KIAA1958: variants seen among roughly 807,000 people sequenced by gnomAD.
KIAA1958 encodes KIAA1958.
Under a neutral mutation model 47.2 loss-of-function variants are expected in KIAA1958, and 14 were observed. That is an observed-to-expected ratio of 0.30 (90% CI 0.20 to 0.46). KIAA1958 has a LOEUF of 0.46. Ranked by LOEUF, KIAA1958 falls within the 20% of genes least tolerant of loss-of-function variation. The pLI is 1.00. For missense variants in KIAA1958, 803 were observed against 909.2 expected, an observed-to-expected ratio of 0.88 and a Z score of 1.50; for synonymous variants, 354 against 353.3, an observed-to-expected ratio of 1.00 and a Z score of -0.02.
Position 112,659,751 on chromosome 9 carries a change from A to G in KIAA1958, c.1833A>G (p.Arg611=), listed in dbSNP as rs1837239697. ...GGGAGAGTCGGAGCGGCTCCACCAG[A>G]GTGTGTCACGGGAAGATCTACCATG... ...VKRESRSGST[R]VCHGKIYHEH... Residue 611 remains arginine, a synonymous_variant, in exon 4 of 4, where the codon AGA becomes AGG. Transcript: ENST00000337530. 2.5e-6 allele frequency: 4 copies of G among 1,614,050 alleles called. No individual in the cohort carries two copies. In the Admixed American group the frequency reaches 6.7e-5, roughly 27 times the overall value.
intron 2 of KIAA1958, among the ~76,000 whole-genome samples, chr9:112,590,036 C>T (rs1835892567): frequency 6.6e-6 from 1 of 152,156 alleles, no homozygotes; most frequent in South Asian, 2.1e-4. Context: ...GACTGGCTTC[C>T]ACCTTGGATG....
rs1395264303 is a variant in KIAA1958, at chr9:112,486,854, C to CGGGCGCGCGGAGCTCG, written c.-282_-267dup. 7.0e-6 allele frequency: 1 copy of CGGGCGCGCGGAGCTCG among 143,066 alleles called. No individual in the cohort carries two copies. The highest frequency in any genetic ancestry group is 1.6e-5 in the Non-Finnish European group (1 of 64,262). The allele number at this position is 143,066 out of a possible 1,614,324, so 8.9% of individuals were successfully genotyped here. On this transcript the variant is annotated 5_prime_UTR_variant, in exon 1 of 4. Coordinates refer to ENST00000337530, the MANE Select transcript of KIAA1958 (RefSeq NM_133465.4). ...CCTGCCCGCCCGCCGCGCTCCGAGC[C>CGGGCGCGCGGAGCTCG]GGGCGCGCGGAGCTCGGGGCGCACG...
chr9:112,633,205 CT>C (rs757103610), intron 2 of KIAA1958, among the ~76,000 whole-genome samples: 1,920 of 140,478 alleles, frequency 0.014, 17 homozygotes, highest in African/African-American at 0.036. Context: ...TGTTATGATA[CT>C]TTTTTTTTTT....
chr9:112,505,002 G>T (rs957494612), intron 1 of KIAA1958, among the ~76,000 whole-genome samples: 3 of 152,098 alleles, frequency 2.0e-5, no homozygotes, highest in Non-Finnish European at 4.4e-5. Context: ...CTTACTCTAT[G>T]TGTACCCTTT....
intron 2 of KIAA1958, among the ~76,000 whole-genome samples, chr9:112,576,040 C>T (rs1835639609): frequency 6.6e-6 from 1 of 152,156 alleles, no homozygotes; most frequent in African/African-American, 2.4e-5. Context: ...AACAAATGTG[C>T]AGAAATCTGT....
chr9:112,495,888 A>G (rs1834044643), intron 1 of KIAA1958, among the ~76,000 whole-genome samples: 1 of 152,216 alleles, frequency 6.6e-6, no homozygotes, highest in Admixed American at 6.5e-5. Flanking sequence ...ACTCTGGGGA[A>G]TAATGCCCTG....
In KIAA1958 at chr9:112,488,734, A is replaced by C. The variant is rs751062606; in HGVS notation, c.-25+1616A>C. Among the ~76,000 whole-genome samples, 31 of 152,368 alleles carry C rather than the reference A, an allele frequency of 2.0e-4. No homozygotes were observed. The Middle Eastern group carries it at 0.014, about 67-fold the overall frequency. ...AAATTATGTATTTAAATTTTCATTA[A>C]GGTTTGAAAATTAGTAAACAGTGTA... On this transcript the variant is annotated intron_variant, in intron 1 of 3. Transcript: ENST00000337530.
chr9:112,554,367 G>A (rs1211529735), intron 1 of KIAA1958, among the ~76,000 whole-genome samples: 1 of 152,052 alleles, frequency 6.6e-6, no homozygotes, highest in African/African-American at 2.4e-5. Context: ...GCATGGTGGT[G>A]TGCGCCTGTA....
rs1837279095 is a variant in KIAA1958, at chr9:112,661,691, A to AAAC, written c.*1622_*1623insAAC. On this transcript the variant is annotated 3_prime_UTR_variant, in exon 4 of 4. Transcript: ENST00000337530. ...GTTATTCCCTTTTTAGTCACTGTGC[A>AAAC]TTTATAAGTTTGTTTACTAGTTGAC... is the stretch of plus-strand genomic sequence containing the variant. 6.6e-6 allele frequency: 1 copy of AAAC among 152,194 alleles called. No individual in the cohort carries two copies. The highest frequency in any genetic ancestry group is 6.5e-5 in the Admixed American group (1 of 15,280). The allele number at this position is 152,194 out of a possible 1,614,324, so 9.4% of individuals were successfully genotyped here.
chr9:112,570,945 C>T (rs1326428844), intron 1 of KIAA1958, among the ~76,000 whole-genome samples: 1 of 152,212 alleles, frequency 6.6e-6, no homozygotes. Flanking sequence ...TGGCGTAAGT[C>T]CCAGAGTCCA....
At position 112,592,730 on chromosome 9, in the gene KIAA1958, G is replaced by C. The variant is rs540627373; in HGVS notation, c.1171+17479G>C. Among the ~76,000 whole-genome samples, 231 of 152,328 alleles carry C rather than the reference G, an allele frequency of 1.5e-3. 3 individuals are homozygous for C. Among genetic ancestry groups the C allele is most frequent in the South Asian group, 8.5e-3 (41 of 4,826 alleles). ...ATAACACCTTAATAGAAGAGAGGTA[G>C]CCTGGGTAAGATAGTGCTAAAACCT... is the stretch of plus-strand genomic sequence containing the variant. On this transcript the variant is annotated intron_variant, in intron 2 of 3. Coordinates refer to ENST00000337530, the MANE Select transcript of KIAA1958 (RefSeq NM_133465.4).
chr9:112,647,748 G>A (rs559868333), intron 3 of KIAA1958, among the ~76,000 whole-genome samples: 1 of 152,282 alleles, frequency 6.6e-6, no homozygotes, highest in East Asian at 1.9e-4. Context: ...CAGAATGTGA[G>A]CCCTAAGGCA....
In KIAA1958 at chr9:112,645,630, TTTA is replaced by T; in HGVS notation, c.1172-17_1172-15del. On this transcript the variant is annotated splice_polypyrimidine_tract_variant and intron_variant, in intron 2 of 3. Transcript: ENST00000337530. ...GGGAATGGCAAATTATTTTAATGCT[TTTA>T]TTGTTTTTATTTCTAGCTTATTCCA... is the stretch of plus-strand genomic sequence containing the variant. The T allele has an allele frequency of 2.6e-6, 4 of 1,531,514 alleles. No homozygotes were observed. Among genetic ancestry groups the T allele is most frequent in the Non-Finnish European group, 3.6e-6 (4 of 1,117,516 alleles). 94.9% of individuals were successfully genotyped at this position (1,531,514 alleles called of 1,614,324 possible).
chr9:112,618,260 A>G lies in KIAA1958; in HGVS notation c.1172-27390A>G. On this transcript the variant is annotated intron_variant, in intron 2 of 3. Coordinates refer to ENST00000337530, the MANE Select transcript of KIAA1958 (RefSeq NM_133465.4). This position sits in a 1 kb window ranked among gnomAD's most constrained non-coding sequence, Gnocchi z 7.1. Reference sequence around the variant, plus strand: ...TAAGCCACACAAGTCCATGAAGCTCACCTTTGCTGACGAGCTCATCCTGCG... The same window carrying G: ...TAAGCCACACAAGTCCATGAAGCTCGCCTTTGCTGACGAGCTCATCCTGCG... 6.4e-7 allele frequency: 1 copy of G among 1,550,686 alleles called. No homozygotes were observed. Among genetic ancestry groups the G allele is most frequent in the Non-Finnish European group, 8.7e-7 (1 of 1,146,922 alleles).
intron 2 of KIAA1958, among the ~76,000 whole-genome samples, chr9:112,638,628 T>C (rs1393863197): frequency 6.6e-6 from 1 of 152,242 alleles, no homozygotes; most frequent in Non-Finnish European, 1.5e-5. Context: ...TTCTGGAATC[T>C]GTAGACTGAG....
intron 2 of KIAA1958, among the ~76,000 whole-genome samples, chr9:112,596,059 A>G (rs1338402790): frequency 6.6e-6 from 1 of 152,140 alleles, no homozygotes; most frequent in Non-Finnish European, 1.5e-5. Flanking sequence ...TGCTGGGATT[A>G]CGGGCATGAG....
At chr9:112,653,204 A>G (rs927340805) in intron 3 of KIAA1958, among the ~76,000 whole-genome samples, 2 of 152,200 alleles carry the variant, frequency 1.3e-5, no homozygotes, top group Non-Finnish European at 2.9e-5. Flanking sequence ...CAAATAGAGA[A>G]GGTTAGTAGA....
intron 1 of KIAA1958, among the ~76,000 whole-genome samples, chr9:112,570,642 G>C (rs75510069): frequency 6.6e-6 from 1 of 152,166 alleles, no homozygotes; most frequent in Admixed American, 6.5e-5. Context: ...GTGTTGTAAG[G>C]AATACAGTAA....
chr9:112,646,628 T>G (rs2131244069), intron 3 of KIAA1958, among the ~76,000 whole-genome samples: 1 of 152,288 alleles, frequency 6.6e-6, no homozygotes, highest in African/African-American at 2.4e-5. Flanking sequence ...TCCCAGTTAC[T>G]TAGGAGGCTA....
Sources: allele counts gnomAD v4.1 joint callset (sites outside exome capture counted in the v4.1 genomes callset), GRCh38; gene constraint gnomAD v4.1.1; non-coding constraint Gnocchi (gnomAD v3.1); transcripts MANE v1.5; gene names NCBI Gene and HGNC (gene_info 2026-07-23, HGNC 2026-07-21).